Variants in UTRN observed in about 807,000 individuals in gnomAD.
The protein encoded by UTRN is utrophin, also known as dystrophin-related protein 1.
In UTRN, 283 loss-of-function variants were observed where a neutral mutation model predicts 463.9. The ratio of observed to expected loss-of-function variants is 0.61; its 90% CI spans 0.55 to 0.67. The LOEUF is 0.67. Among genes scored for constraint, UTRN ranks in the 30% least tolerant of loss-of-function variants. The pLI is 0.00. For missense variants in UTRN, 3,922 were observed against 4,084.3 expected (o/e 0.96, Z 1.08); for synonymous variants, 1,442 against 1,431.5 (o/e 1.01, Z -0.17).
chr6:144,458,724 A>G, intron 19 of UTRN, 46 bp from the exon 20 acceptor site: 2 of 1,519,918 alleles, frequency 1.3e-6, no homozygotes, highest in African/African-American at 2.8e-5. Flanking sequence ...TTCAAGACAC[A>G]TTTTGTAATA....
At chr6:144,797,773 A>T (rs1160982695) in intron 63 of UTRN, 51 bp from the exon 64 acceptor site, 2 of 1,573,494 alleles carry the variant, frequency 1.3e-6, no homozygotes, top group Middle Eastern at 1.7e-4. Context: ...CACTAGCTAC[A>T]GTTTAAATGA....
intron 50 of UTRN, among the ~76,000 whole-genome samples, chr6:144,573,488 G>A (rs1210624141): frequency 6.6e-6 from 1 of 152,058 alleles, no homozygotes; most frequent in Non-Finnish European, 1.5e-5. Context: ...GAGGTCAAGA[G>A]TTTGAGACCA....
Position 144,610,068 on chromosome 6 carries a change from A to G in UTRN, c.7479+32780A>G, listed in dbSNP as rs1805314019. 3.3e-5 allele frequency among the ~76,000 whole-genome samples: 5 copies of G among 152,166 alleles called. No homozygotes were observed. The South Asian group carries it at 1.0e-3, about 32-fold the overall frequency. ...ATCTGAAAGTGACCAGAAGGAAGGA[A>G]AGAACAAAGATCAGAGCCAAAATAA... On this transcript the variant is annotated intron_variant, in intron 51 of 74. Transcript: ENST00000367545.
At chr6:144,789,399 C>T in intron 62 of UTRN, 120 bp downstream of exon 62, 1 of 810,760 alleles carries the variant, frequency 1.2e-6, no homozygotes, top group Admixed American at 2.9e-5. Context: ...TTTTTTTAAC[C>T]CTTACTGTGC....
At chr6:144,323,008 C>G (rs1562248589) in intron 2 of UTRN, among the ~76,000 whole-genome samples, 1 of 151,138 alleles carries the variant, frequency 6.6e-6, no homozygotes. Flanking sequence ...GTGCTTTGTA[C>G]CTGGGGACTC....
In UTRN at chr6:144,604,397, T is replaced by C. The variant is rs113969542; in HGVS notation, c.7479+27109T>C. On this transcript the variant is annotated intron_variant, in intron 51 of 74. Transcript: ENST00000367545. ...AGAATTAAAAATTGCATGTTGTTAC[T>C]ATACTTCATAAAATTCTAGGCCGAT... 6.4e-3 allele frequency among the ~76,000 whole-genome samples: 982 copies of C among 152,308 alleles called. 9 individuals are homozygous for C. The highest frequency in any genetic ancestry group is 0.023 in the African/African-American group (945 of 41,570).
At chr6:144,715,056 G>T (rs13205266) in intron 53 of UTRN, among the ~76,000 whole-genome samples, 3,361 of 152,132 alleles carry the variant, frequency 0.022, 48 homozygotes, top group Non-Finnish European at 0.033. Context: ...GTTTAAAAAT[G>T]CCATCTATAT....
intron 19 of UTRN, among the ~76,000 whole-genome samples, chr6:144,457,441 G>C (rs1788967390): frequency 6.6e-6 from 1 of 152,116 alleles, no homozygotes. Flanking sequence ...AAGATGATGT[G>C]GCTGGTGTTA....
At chr6:144,737,082 C>A (rs1197178777) in intron 54 of UTRN, among the ~76,000 whole-genome samples, 1 of 152,138 alleles carries the variant, frequency 6.6e-6, no homozygotes. Flanking sequence ...AAGCTTGGCC[C>A]TTCCCTCTTT....
intron 19 of UTRN, among the ~76,000 whole-genome samples, chr6:144,457,159 G>A (rs983097729): frequency 6.6e-6 from 1 of 152,146 alleles, no homozygotes; most frequent in Non-Finnish European, 1.5e-5. Flanking sequence ...TGTAAATTGT[G>A]TTTGAATCAT....
At chr6:144,747,007 C>T (rs934534433) in intron 54 of UTRN, among the ~76,000 whole-genome samples, 2 of 152,124 alleles carry the variant, frequency 1.3e-5, no homozygotes, top group Non-Finnish European at 2.9e-5. Flanking sequence ...TCACCTTTGA[C>T]TTGGCTTTTA....
At chr6:144,688,137 A>G (rs1782941953) in intron 52 of UTRN, among the ~76,000 whole-genome samples, 1 of 152,160 alleles carries the variant, frequency 6.6e-6, no homozygotes, top group African/African-American at 2.4e-5. Context: ...CAAGGCTCTG[A>G]AATTCTTTCT....
chr6:144,527,728 A>G (rs906120140), intron 41 of UTRN, among the ~76,000 whole-genome samples: 1 of 152,160 alleles, frequency 6.6e-6, no homozygotes, highest in Non-Finnish European at 1.5e-5. Flanking sequence ...GGGTTAATTC[A>G]AAAGCCTTGT....
intron 9 of UTRN, among the ~76,000 whole-genome samples, chr6:144,435,381 G>A (rs1293505741): frequency 6.6e-6 from 1 of 152,140 alleles, no homozygotes; most frequent in Non-Finnish European, 1.5e-5. Flanking sequence ...ATAAACCAGA[G>A]GGCAACTGCC....
chr6:144,551,016 A>C lies in UTRN; in HGVS notation c.6862A>C (p.Thr2288Pro). The C allele has an allele frequency of 6.2e-7, 1 of 1,612,732 alleles. No individual in the cohort carries two copies. The highest frequency in any genetic ancestry group is 8.5e-7 in the Non-Finnish European group (1 of 1,179,656). The change falls in exon 48 of 75, where the codon ACA becomes CCA. Residue 2288 changes from threonine (T) to proline (P), a missense_variant. By Grantham distance (38) the Thr-to-Pro change is conservative. Coordinates refer to ENST00000367545, the MANE Select transcript of UTRN (RefSeq NM_007124.3). ...QRHPQLDYVF[T>P]LAQNLKNKAS... ...CCATCCTCAGCTGGATTATGTTTTTACATTGGCACAGAATTTGAAAAATAA... is the reference window on the plus strand; with the variant it reads ...CCATCCTCAGCTGGATTATGTTTTTCCATTGGCACAGAATTTGAAAAATAA...
At chr6:144,709,544 G>T (rs1377470890) in intron 53 of UTRN, among the ~76,000 whole-genome samples, 1 of 152,072 alleles carries the variant, frequency 6.6e-6, no homozygotes, top group Non-Finnish European at 1.5e-5. Context: ...TTCCCTAAAA[G>T]TTCCCATAGA....
chr6:144,545,589 A>G (rs1291605110), intron 46 of UTRN, among the ~76,000 whole-genome samples: 3 of 152,206 alleles, frequency 2.0e-5, no homozygotes. Context: ...CATGTTTCAC[A>G]TACTCACTTC....
intron 11 of UTRN, among the ~76,000 whole-genome samples, chr6:144,438,191 A>G (rs1342282740): frequency 1.5e-4 from 23 of 152,188 alleles, no homozygotes. Flanking sequence ...GCTTGAACTC[A>G]GGAGACAGAG....
intron 1 of UTRN, among the ~76,000 whole-genome samples, chr6:144,290,801 G>A (rs566661700): frequency 5.7e-5 from 7 of 121,934 alleles, no homozygotes; most frequent in African/African-American, 1.3e-4. Context: ...TCTCACTCTC[G>A]TTGCCCAGGG....
Sources: allele counts gnomAD v4.1 joint callset (sites outside exome capture counted in the v4.1 genomes callset), GRCh38; gene constraint gnomAD v4.1.1; transcripts MANE v1.5; gene names NCBI Gene and HGNC (gene_info 2026-07-23, HGNC 2026-07-21).